Variants in PLCB1 observed in about 807,000 individuals in gnomAD.
The protein encoded by PLCB1 is 1-phosphatidylinositol 4,5-bisphosphate phosphodiesterase beta-1.
Under a neutral mutation model 161.8 loss-of-function variants are expected in PLCB1, and 46 were observed. That is an observed-to-expected ratio of 0.28 (90% CI 0.22 to 0.36). PLCB1 has a LOEUF of 0.36. Ranked by LOEUF, PLCB1 falls within the 10% of genes least tolerant of loss-of-function variation. The probability of loss-of-function intolerance (pLI) is 1.00; values close to 1 mark genes in which losing one functional copy is unlikely to be tolerated. For synonymous variants in PLCB1, 517 were observed against 503.7 expected (o/e 1.03, Z -0.35); for missense variants, 1,016 against 1,472.5 (o/e 0.69, Z 5.07).
chr20:8,362,837 C>T (rs1986588699), intron 2 of PLCB1, among the ~76,000 whole-genome samples: 1 of 152,138 alleles, frequency 6.6e-6, no homozygotes, highest in Non-Finnish European at 1.5e-5. Context: ...TTATGTTACA[C>T]AATACTCCTG....
intron 9 of PLCB1, among the ~76,000 whole-genome samples, chr20:8,676,002 G>C (rs536898836): frequency 6.6e-6 from 1 of 152,358 alleles, no homozygotes; most frequent in East Asian, 1.9e-4. Context: ...TCCCACCTTA[G>C]AGGGACTATT....
chr20:8,185,668 G>A (rs2051895688), intron 2 of PLCB1, among the ~76,000 whole-genome samples: 1 of 151,790 alleles, frequency 6.6e-6, no homozygotes, highest in African/African-American at 2.4e-5. Flanking sequence ...GAGAGGAAGG[G>A]CACTGGGAGA....
rs2123521277 is a variant in PLCB1 at position 8,741,483 on chromosome 20, A to C, written c.2433A>C (p.Ser811=). The C allele has an allele frequency of 6.2e-7, 1 of 1,613,388 alleles. No individual in the cohort carries two copies. The highest frequency in any genetic ancestry group is 2.2e-5 in the East Asian group (1 of 44,852). ...ATTTAGATGTCATCGAAGCTTTATC[A>C]AACCCAATCCGATATGTGAACCTGA... The part of the protein sequence containing the change: ...DTYADVIEAL[S]NPIRYVNLME... Residue 811 remains serine (S), a synonymous_variant, in exon 23 of 32, where the codon TCA becomes TCC. Coordinates refer to ENST00000338037, the MANE Select transcript of PLCB1 (RefSeq NM_015192.4).
At chr20:8,501,863 G>A (rs1175506130) in intron 3 of PLCB1, among the ~76,000 whole-genome samples, 120 of 78,634 alleles carry the variant, frequency 1.5e-3, no homozygotes, top group Non-Finnish European at 2.3e-3. Context: ...AAGATATATC[G>A]CATATATATA....
intron 27 of PLCB1, among the ~76,000 whole-genome samples, chr20:8,781,837 T>A (rs1314989747): frequency 1.3e-5 from 2 of 152,168 alleles, no homozygotes; most frequent in African/African-American, 4.8e-5. Context: ...GTGAGACTTA[T>A]TCGCTATCAC....
At chr20:8,666,338 C>A (rs1989811927) in intron 9 of PLCB1, among the ~76,000 whole-genome samples, 1 of 152,102 alleles carries the variant, frequency 6.6e-6, no homozygotes, top group South Asian at 2.1e-4. Context: ...AGAACCCAAA[C>A]TAAGACAAGC....
At chr20:8,432,229 CG>C (rs1223061504) in intron 3 of PLCB1, among the ~76,000 whole-genome samples, 4 of 152,160 alleles carry the variant, frequency 2.6e-5, no homozygotes, top group Non-Finnish European at 5.9e-5. Flanking sequence ...CCTGCTACAG[CG>C]CTTCCTGCCT....
chr20:8,492,692 A>G (rs1982994666), intron 3 of PLCB1, among the ~76,000 whole-genome samples: 1 of 152,132 alleles, frequency 6.6e-6, no homozygotes, highest in Admixed American at 6.5e-5. Context: ...AACATAAGTC[A>G]GGAACTAAGA....
chr20:8,537,081 A>G (rs73598283), intron 3 of PLCB1, among the ~76,000 whole-genome samples: 1 of 152,198 alleles, frequency 6.6e-6, no homozygotes, highest in Non-Finnish European at 1.5e-5. Context: ...AGCAACCTCA[A>G]TTCTTGCTTC....
chr20:8,692,567 A>G (rs929524303), intron 10 of PLCB1, among the ~76,000 whole-genome samples: 2 of 152,204 alleles, frequency 1.3e-5, no homozygotes, highest in Non-Finnish European at 2.9e-5. Flanking sequence ...ATAGGATGCT[A>G]TTATTTAATG....
At chr20:8,793,453 G>C (rs1273470234) in intron 31 of PLCB1, among the ~76,000 whole-genome samples, 1 of 152,068 alleles carries the variant, frequency 6.6e-6, no homozygotes, top group Admixed American at 6.6e-5. Flanking sequence ...GCATCGGCTG[G>C]CTTGAGAAAT....
intron 31 of PLCB1, chr20:8,831,150 G>C (rs758680429): frequency 1.3e-5 from 2 of 152,334 alleles, no homozygotes; most frequent in Admixed American, 1.3e-4. Context: ...GGGGTCATCA[G>C]TATGAAGGTC....
chr20:8,237,187 T>C (rs938792973), intron 2 of PLCB1, among the ~76,000 whole-genome samples: 1 of 152,060 alleles, frequency 6.6e-6, no homozygotes, highest in Non-Finnish European at 1.5e-5. Context: ...TACTGATCAA[T>C]AGTATAACAA....
Position 8,763,696 on chromosome 20 carries a change from A to G in PLCB1, c.2711-1443A>G, listed in dbSNP as rs1168537839. Among the ~76,000 whole-genome samples, 3 of 151,184 alleles carry G rather than the reference A, an allele frequency of 2.0e-5. 1 individual carries two copies. The highest frequency in any genetic ancestry group is 4.4e-5 in the Non-Finnish European group (3 of 67,838). ...CCACCACACCTGGCCTAATTTTTGT[A>G]TTTTTAGTAGAGATGGGGTTTCACC... On this transcript the variant is annotated intron_variant, in intron 25 of 31. Transcript: ENST00000338037.
intron 2 of PLCB1, among the ~76,000 whole-genome samples, chr20:8,265,760 T>C (rs1046651405): frequency 6.6e-6 from 1 of 152,192 alleles, no homozygotes; most frequent in Non-Finnish European, 1.5e-5. Flanking sequence ...TTCTTTAACC[T>C]AGCAACAGTT....
intron 19 of PLCB1, among the ~76,000 whole-genome samples, chr20:8,733,815 A>G (rs978707256): frequency 8.6e-6 from 1 of 116,422 alleles, no homozygotes; most frequent in Non-Finnish European, 2.0e-5. Context: ...AATAATAATA[A>G]TAATAATAAT....
At chr20:8,442,536 G>A (rs1980606144) in intron 3 of PLCB1, among the ~76,000 whole-genome samples, 1 of 152,030 alleles carries the variant, frequency 6.6e-6, no homozygotes, top group South Asian at 2.1e-4. Context: ...ATTTTAGAGG[G>A]GACATACTGA....
intron 9 of PLCB1, among the ~76,000 whole-genome samples, chr20:8,677,367 T>C (rs1600244291): frequency 6.6e-6 from 1 of 152,140 alleles, no homozygotes; most frequent in East Asian, 1.9e-4. Context: ...ATCGCACCAT[T>C]GCACTCCAGC....
At chr20:8,266,178 C>T (rs1233522314) in intron 2 of PLCB1, among the ~76,000 whole-genome samples, 1 of 152,182 alleles carries the variant, frequency 6.6e-6, no homozygotes, top group Non-Finnish European at 1.5e-5. Flanking sequence ...AGGCTTACAA[C>T]ACTTACTTGT....
Sources: gnomAD v4.1 joint callset for allele counts (sites outside exome capture counted in the v4.1 genomes callset) on GRCh38, gnomAD v4.1.1 for gene constraint, MANE v1.5 for transcripts, NCBI Gene and HGNC (gene_info 2026-07-23, HGNC 2026-07-21) for gene names.